BBX: variants seen among roughly 807,000 people sequenced by gnomAD.
BBX encodes BBX high mobility group box domain containing.
A neutral mutation model predicts 100.2 loss-of-function variants in BBX; 30 were observed. The observed-to-expected ratio is 0.30, with a 90% confidence interval of 0.22 to 0.41. BBX has a LOEUF of 0.41. Among genes scored for constraint, BBX ranks in the 10% least tolerant of loss-of-function variants. The pLI is 1.00. For missense variants in BBX, 1,023 were observed against 1,129.8 expected (o/e 0.91, Z 1.35); for synonymous variants, 376 against 388.1 (o/e 0.97, Z 0.37).
intron 3 of BBX, among the ~76,000 whole-genome samples, chr3:107,652,522 A>G (rs992015828): frequency 2.0e-5 from 3 of 152,212 alleles, no homozygotes; most frequent in African/African-American, 7.2e-5. Context: ...CAAACTCAAA[A>G]ACCTTGTATA....
chr3:107,688,979 A>G lies in BBX; in HGVS notation c.-9-21473A>G, dbSNP rs553402972. Among the ~76,000 whole-genome samples the G allele has an allele frequency of 2.1e-4, 32 of 152,318 alleles. No individual in the cohort carries two copies. In the South Asian group the frequency reaches 6.6e-3, roughly 32 times the overall value. ...AAGGGAAGCTATAATGTGATATAAA[A>G]TATGTCTGATATTTGCTGTTAGATT... On this transcript the variant is annotated intron_variant, in intron 3 of 17. Coordinates refer to ENST00000325805, the MANE Select transcript of BBX (RefSeq NM_001142568.3).
intron 3 of BBX, among the ~76,000 whole-genome samples, chr3:107,675,617 T>C (rs1342488983): frequency 2.6e-5 from 4 of 152,142 alleles, no homozygotes; most frequent in African/African-American, 7.2e-5. Context: ...ATGGACCTTT[T>C]AGATCAAAAA....
At chr3:107,803,215 TA>T (rs2070710133) in intron 17 of BBX, among the ~76,000 whole-genome samples, 2 of 152,220 alleles carry the variant, frequency 1.3e-5, no homozygotes, top group Admixed American at 1.3e-4. Flanking sequence ...TTATTTTTTT[TA>T]ACCTTCCATT....
intron 2 of BBX, among the ~76,000 whole-genome samples, chr3:107,600,937 C>T (rs966710705): frequency 2.6e-5 from 4 of 152,170 alleles, no homozygotes; most frequent in Admixed American, 6.5e-5. Flanking sequence ...AGATCTGTGG[C>T]AACTCTGCCT....
At chr3:107,677,036 T>C (rs1000337864) in intron 3 of BBX, among the ~76,000 whole-genome samples, 1 of 152,128 alleles carries the variant, frequency 6.6e-6, no homozygotes, top group African/African-American at 2.4e-5. Flanking sequence ...ATATATACTT[T>C]AAAATAATCT....
intron 2 of BBX, among the ~76,000 whole-genome samples, chr3:107,550,410 G>T (rs1461512785): frequency 6.6e-6 from 1 of 152,052 alleles, no homozygotes; most frequent in Non-Finnish European, 1.5e-5. Flanking sequence ...GAGTTGAATG[G>T]GATTTGGGCA....
At chr3:107,740,329 C>G (rs1450582402) in intron 7 of BBX, among the ~76,000 whole-genome samples, 1 of 151,966 alleles carries the variant, frequency 6.6e-6, no homozygotes, top group Non-Finnish European at 1.5e-5. Context: ...CTTTAACTTA[C>G]CTTGGAAACA....
chr3:107,534,469 C>T (rs1220871745), intron 2 of BBX, among the ~76,000 whole-genome samples: 2 of 152,026 alleles, frequency 1.3e-5, no homozygotes, highest in African/African-American at 4.8e-5. Context: ...CTTCTTTTCC[C>T]TCCCTCCTTC....
At chr3:107,690,225 A>C (rs571491946) in intron 3 of BBX, among the ~76,000 whole-genome samples, 114 of 152,324 alleles carry the variant, frequency 7.5e-4, no homozygotes, top group Non-Finnish European at 1.4e-3. Flanking sequence ...ATCTTTGAAA[A>C]AAACTAAAAG....
At chr3:107,765,482 T>C (rs925827004) in intron 10 of BBX, among the ~76,000 whole-genome samples, 13 of 151,970 alleles carry the variant, frequency 8.6e-5, no homozygotes, top group Admixed American at 7.9e-4. Context: ...TGTATGTGTG[T>C]TTTCTTTTTT....
At chr3:107,613,941 G>GTTTTTTT (rs533672871) in intron 2 of BBX, among the ~76,000 whole-genome samples, 5 of 86,588 alleles carry the variant, frequency 5.8e-5, no homozygotes, top group Non-Finnish European at 9.6e-5. Context: ...ACATACCATG[G>GTTTTTTT]TTTTTTTTTT....
intron 4 of BBX, among the ~76,000 whole-genome samples, chr3:107,713,600 G>A (rs984600196): frequency 2.0e-5 from 3 of 152,218 alleles, no homozygotes; most frequent in Non-Finnish European, 4.4e-5. Context: ...ACATTAAATA[G>A]CAATTAAAAC....
intron 3 of BBX, chr3:107,657,311 T>A (rs961931494): frequency 1.3e-5 from 2 of 152,214 alleles, no homozygotes; most frequent in Admixed American, 1.3e-4. Flanking sequence ...GTCTTTCCCA[T>A]TTACGGGGCA....
At chr3:107,697,761 C>T (rs1044472920) in intron 3 of BBX, among the ~76,000 whole-genome samples, 1 of 151,848 alleles carries the variant, frequency 6.6e-6, no homozygotes, top group Non-Finnish European at 1.5e-5. Flanking sequence ...TTTACCTAAG[C>T]AAGCCTGGGC....
intron 3 of BBX, among the ~76,000 whole-genome samples, chr3:107,699,321 C>T (rs897392655): frequency 2.0e-5 from 3 of 151,702 alleles, no homozygotes; most frequent in South Asian, 2.1e-4. Flanking sequence ...TGGCAAGCTC[C>T]GGGTGATGGC....
intron 3 of BBX, among the ~76,000 whole-genome samples, chr3:107,649,199 A>G (rs2057696723): frequency 6.6e-6 from 1 of 152,216 alleles, no homozygotes; most frequent in South Asian, 2.1e-4. Flanking sequence ...CCCATGATTC[A>G]GTTACCTCCC....
chr3:107,724,966 G>A (rs1040411377), intron 5 of BBX, among the ~76,000 whole-genome samples: 8 of 152,300 alleles, frequency 5.3e-5, no homozygotes, highest in African/African-American at 1.9e-4. Context: ...TAGCTTGATA[G>A]GGATCGCATT....
intron 13 of BBX, among the ~76,000 whole-genome samples, chr3:107,787,046 A>G (rs1387963931): frequency 6.6e-6 from 1 of 152,230 alleles, no homozygotes; most frequent in African/African-American, 2.4e-5. Flanking sequence ...AAATCCAGTT[A>G]ATATCATCAG....
chr3:107,571,488 A>C (rs954574462), intron 2 of BBX, among the ~76,000 whole-genome samples: 3 of 152,296 alleles, frequency 2.0e-5, no homozygotes, highest in Admixed American at 1.3e-4. Context: ...TTGGAAGGAC[A>C]GGGAGATTGA....
Sources: gnomAD v4.1 joint callset for allele counts (sites outside exome capture counted in the v4.1 genomes callset) on GRCh38, gnomAD v4.1.1 for gene constraint, MANE v1.5 for transcripts, NCBI Gene and HGNC (gene_info 2026-07-23, HGNC 2026-07-21) for gene names.